MRPS35: variants seen among roughly 807,000 people sequenced by gnomAD.
MRPS35 encodes the protein small ribosomal subunit protein mS35.
Under a neutral mutation model 32.7 loss-of-function variants are expected in MRPS35, and 29 were observed. The observed-to-expected ratio is 0.89, with a 90% CI of 0.66 to 1.21. The LOEUF is 1.21. Ranked by LOEUF, MRPS35 falls within the 50% of genes most tolerant of loss-of-function variation. The pLI is 0.00. For missense variants in MRPS35, 373 were observed against 383.8 expected, an observed-to-expected ratio of 0.97 and a Z score of 0.23; for synonymous variants, 148 against 139.3, an observed-to-expected ratio of 1.06 and a Z score of -0.44.
At chr12:27,747,193 C>T (rs2061984352) in intron 7 of MRPS35, among the ~76,000 whole-genome samples, 1 of 152,204 alleles carries the variant, frequency 6.6e-6, no homozygotes, top group African/African-American at 2.4e-5. Context: ...ATTCTCTTTG[C>T]GTATAATTCT....
chr12:27,720,432 A>G (rs1189741761), intron 4 of MRPS35, among the ~76,000 whole-genome samples: 1 of 151,792 alleles, frequency 6.6e-6, no homozygotes, highest in East Asian at 1.9e-4. Flanking sequence ...GTTCCATATA[A>G]GAAGACTAAA....
At chr12:27,734,242 CTTTT>C (rs34818669) in intron 5 of MRPS35, among the ~76,000 whole-genome samples, 2 of 135,524 alleles carry the variant, frequency 1.5e-5, no homozygotes, top group African/African-American at 2.7e-5. Context: ...AACCTATCTT[CTTTT>C]TTTTTTTTTT....
intron 7 of MRPS35, among the ~76,000 whole-genome samples, chr12:27,743,711 A>G (rs1054890194): frequency 3.3e-5 from 5 of 152,190 alleles, no homozygotes; most frequent in African/African-American, 9.6e-5. Context: ...AGTTTGAGCT[A>G]TCATAACAAA....
intron 2 of MRPS35, among the ~76,000 whole-genome samples, chr12:27,715,371 A>G (rs546131353): frequency 1.6e-4 from 25 of 152,270 alleles, no homozygotes; most frequent in African/African-American, 5.3e-4. Context: ...TCCTGACCTC[A>G]GGTGATCCAC....
At chr12:27,752,941 G>A (rs996582978) in intron 7 of MRPS35, 8 of 152,110 alleles carry the variant, frequency 5.3e-5, no homozygotes, top group African/African-American at 1.9e-4. Flanking sequence ...CAGATTGAAT[G>A]CCTTGTTCTG....
chr12:27,740,081 G>A (rs931202066), intron 7 of MRPS35, among the ~76,000 whole-genome samples: 4 of 152,118 alleles, frequency 2.6e-5, no homozygotes, highest in African/African-American at 9.7e-5. Flanking sequence ...AAATTTTGCG[G>A]AGCTGCTAGA....
chr12:27,735,021 A>G (rs1041022794), intron 5 of MRPS35, among the ~76,000 whole-genome samples: 7 of 152,196 alleles, frequency 4.6e-5, no homozygotes, highest in South Asian at 2.1e-4. Flanking sequence ...TCATAATTGC[A>G]TGGTAGAACT....
chr12:27,710,951 C>G lies in MRPS35; in HGVS notation c.108C>G (p.Ser36Arg), dbSNP rs1301086048. The G allele has an allele frequency of 6.2e-7, 1 of 1,611,626 alleles. No individual in the cohort carries two copies. Among genetic ancestry groups the G allele is most frequent in the South Asian group, 1.1e-5 (1 of 90,972 alleles). The change falls in exon 1 of 8, where the codon AGC becomes AGG. Residue 36 changes from serine to arginine, a missense_variant. By Grantham distance (110) the Ser-to-Arg change is moderately radical. Coordinates refer to ENST00000081029, the MANE Select transcript of MRPS35 (RefSeq NM_021821.4). Reference sequence around the variant, plus strand: ...CGGCCACTCCGGTCCCGACACCTAGCCTGCGTGAGTGTCTGTCTCGTCTTC... The same window carrying G: ...CGGCCACTCCGGTCCCGACACCTAGGCTGCGTGAGTGTCTGTCTCGTCTTC... ...VYSATPVPTP[S>R]LPERTPGNER...
chr12:27,717,404 T>C (rs2061855236), intron 3 of MRPS35, among the ~76,000 whole-genome samples: 1 of 152,242 alleles, frequency 6.6e-6, no homozygotes, highest in South Asian at 2.1e-4. Context: ...CTTTGTTTGA[T>C]AGCATGTATA....
intron 5 of MRPS35, among the ~76,000 whole-genome samples, chr12:27,727,088 G>A (rs2061903763): frequency 6.6e-6 from 1 of 151,244 alleles, no homozygotes; most frequent in South Asian, 2.1e-4. Context: ...AGCCTCCCGA[G>A]TAGCTAGAAC....
intron 1 of MRPS35, among the ~76,000 whole-genome samples, chr12:27,711,328 C>T (rs1030033034): frequency 6.6e-6 from 1 of 152,206 alleles, no homozygotes; most frequent in Non-Finnish European, 1.5e-5. Context: ...GAGAGTCATA[C>T]GGCTGTGCTA....
At chr12:27,734,630 T>A (rs538003121) in intron 5 of MRPS35, among the ~76,000 whole-genome samples, 1 of 152,338 alleles carries the variant, frequency 6.6e-6, no homozygotes, top group Non-Finnish European at 1.5e-5. Context: ...GTTCATTTGT[T>A]CTAGCACTTC....
At position 27,755,492 on chromosome 12, in the gene MRPS35, A is replaced by G; in HGVS notation, c.*42A>G. 1 of 1,450,874 alleles carries G rather than the reference A, an allele frequency of 6.9e-7. No homozygotes were observed. 89.9% of individuals were successfully genotyped at this position (1,450,874 alleles called of 1,614,324 possible). On this transcript the variant is annotated 3_prime_UTR_variant, in exon 8 of 8. Coordinates refer to ENST00000081029, the MANE Select transcript of MRPS35 (RefSeq NM_021821.4). ...ATCTGCTTGATTTATTAATTTTATG[A>G]TATATGTGATCAGTATCTAATTTGA...
chr12:27,719,731 T>C (rs969518034), intron 3 of MRPS35, 77 bp from the exon 4 acceptor site: 1 of 927,890 alleles, frequency 1.1e-6, no homozygotes, highest in Non-Finnish European at 1.7e-6. Context: ...GCCTGTGATT[T>C]AGTTTTATGA....
At chr12:27,712,448 C>T (rs1250485221) in intron 1 of MRPS35, among the ~76,000 whole-genome samples, 2 of 152,108 alleles carry the variant, frequency 1.3e-5, no homozygotes, top group Non-Finnish European at 2.9e-5. Context: ...GGCTGCTTTA[C>T]TGGGGTAAGA....
chr12:27,741,830 G>A (rs1233187473), intron 7 of MRPS35, among the ~76,000 whole-genome samples: 1 of 152,136 alleles, frequency 6.6e-6, no homozygotes. Context: ...AGATTCATGG[G>A]TGATTTTGAT....
chr12:27,744,097 A>G (rs929304211), intron 7 of MRPS35, among the ~76,000 whole-genome samples: 4 of 152,210 alleles, frequency 2.6e-5, no homozygotes, highest in Non-Finnish European at 5.9e-5. Context: ...TGCTTTGTAT[A>G]GATATTAAGT....
chr12:27,724,100 C>T lies in MRPS35; in HGVS notation c.436C>T (p.His146Tyr), dbSNP rs138360349. 53 of 1,613,100 alleles carry T rather than the reference C, an allele frequency of 3.3e-5. No individual in the cohort carries two copies. Among genetic ancestry groups the T allele is most frequent in the Admixed American group, 8.4e-5 (5 of 59,628 alleles). Residue 146 changes from histidine to tyrosine, a missense_variant, in exon 5 of 8, where the codon CAT (histidine) becomes TAT (tyrosine). Coordinates refer to ENST00000081029, the MANE Select transcript of MRPS35 (RefSeq NM_021821.4). ...GGACAGTGACGAGAAATGTGAGAAG[C>T]ATTTTCCAATTGAAATTGACAGCAC... ...ALDSDEKCEK[H>Y]FPIEIDSTDY...
intron 7 of MRPS35, among the ~76,000 whole-genome samples, chr12:27,742,706 T>TTATA (rs1174106595): frequency 6.6e-6 from 1 of 152,238 alleles, no homozygotes; most frequent in Non-Finnish European, 1.5e-5. Flanking sequence ...GTCGTAGTGC[T>TTATA]TATTTGCAAA....
Sources: allele counts gnomAD v4.1 joint callset (sites outside exome capture counted in the v4.1 genomes callset), GRCh38; gene constraint gnomAD v4.1.1; transcripts MANE v1.5; gene names NCBI Gene and HGNC (gene_info 2026-07-23, HGNC 2026-07-21).